Variants in XIRP2 observed in about 807,000 individuals in gnomAD.
The protein encoded by XIRP2 is xin actin binding repeat containing 2.
A neutral mutation model predicts 277.0 loss-of-function variants in XIRP2; 236 were observed. The observed-to-expected ratio is 0.85, with a 90% CI of 0.77 to 0.95. XIRP2 has a LOEUF of 0.95. XIRP2 is among the 40% of genes least tolerant of loss of function. The pLI is 0.00. For synonymous variants in XIRP2, 1,490 were observed against 1,416.5 expected, an observed-to-expected ratio of 1.05 and a Z score of -1.17; for missense variants, 4,640 against 4,157.5, an observed-to-expected ratio of 1.12 and a Z score of -3.19.
Position 167,244,756 on chromosome 2 carries a change from G to A in XIRP2, c.3364G>A (p.Gly1122Arg), listed in dbSNP as rs1695192471. 1 of 1,613,346 alleles carries A rather than the reference G, an allele frequency of 6.2e-7. No individual in the cohort carries two copies. Among genetic ancestry groups the A allele is most frequent in the Non-Finnish European group, 8.5e-7 (1 of 1,179,692 alleles). Residue 1122 changes from glycine (G) to arginine (R), a missense_variant, in exon 9 of 11, where the codon GGA (glycine) becomes AGA (arginine). Gly to Arg is a moderately radical substitution (Grantham distance 125, BLOSUM62 -2). Coordinates refer to ENST00000409195, the MANE Select transcript of XIRP2 (RefSeq NM_152381.6). ...LMTSSEEIHK[G>R]DVKTCTWLFE... ...GACCAGCAGTGAAGAAATTCATAAG[G>A]GAGATGTCAAAACTTGTACTTGGCT...
At chr2:166,969,526 G>A (rs1230159768) in intron 2 of XIRP2, among the ~76,000 whole-genome samples, 1 of 151,140 alleles carries the variant, frequency 6.6e-6, no homozygotes, top group Non-Finnish European at 1.5e-5. Context: ...GTATGAGTGA[G>A]AATAAACGAT....
At chr2:167,149,880 T>C (rs562479421) in intron 3 of XIRP2, among the ~76,000 whole-genome samples, 89 of 152,078 alleles carry the variant, frequency 5.9e-4, no homozygotes, top group African/African-American at 2.0e-3. Flanking sequence ...CCACAACATA[T>C]TAATATCCAG....
At chr2:167,036,987 C>T (rs1292820163) in intron 2 of XIRP2, among the ~76,000 whole-genome samples, 2 of 152,150 alleles carry the variant, frequency 1.3e-5, no homozygotes, top group African/African-American at 4.8e-5. Context: ...GATTCTGAGG[C>T]CTCCCTAGCC....
chr2:167,219,359 GAGTGT>G (rs1385473411), intron 5 of XIRP2, among the ~76,000 whole-genome samples: 1 of 152,166 alleles, frequency 6.6e-6, no homozygotes, highest in African/African-American at 2.4e-5. Context: ...AGGAGTCTTT[GAGTGT>G]AGATGTGTGT....
At chr2:167,097,035 G>A (rs1249392946) in intron 2 of XIRP2, among the ~76,000 whole-genome samples, 2 of 152,152 alleles carry the variant, frequency 1.3e-5, no homozygotes, top group Non-Finnish European at 2.9e-5. Flanking sequence ...ATTTTGGGTG[G>A]AGAGTTCTGT....
chr2:166,898,163 G>T (rs926269041), intron 1 of XIRP2, among the ~76,000 whole-genome samples: 5 of 152,084 alleles, frequency 3.3e-5, no homozygotes, highest in Non-Finnish European at 5.9e-5. Context: ...GAAATTTCAG[G>T]AAGACTCTTC....
At chr2:166,968,102 AC>A (rs752210466) in intron 2 of XIRP2, among the ~76,000 whole-genome samples, 1 of 151,970 alleles carries the variant, frequency 6.6e-6, no homozygotes, top group African/African-American at 2.4e-5. Context: ...TGCTAGCTAA[AC>A]ATATAGAAGA....
In XIRP2 at chr2:166,903,835, G is replaced by A. The variant is rs971779946; in HGVS notation, c.353G>A (p.Arg118Lys). 4 of 1,613,674 alleles carry A rather than the reference G, an allele frequency of 2.5e-6. No individual in the cohort carries two copies. The highest frequency in any genetic ancestry group is 2.2e-5 in the East Asian group (1 of 44,824). Residue 118 changes from arginine to lysine, a missense_variant, in exon 2 of 11, where the codon AGG becomes AAG. Arg to Lys is a conservative substitution (Grantham distance 26, BLOSUM62 2). Transcript: ENST00000409195. ...ERFSIALDEL[R>K]SVFEAPKSGN... ...TTTTCCATTGCCCTTGATGAGCTGA[G>A]GAGTGTGTTTGAGGCTCCTAAGAGT...
intron 3 of XIRP2, among the ~76,000 whole-genome samples, chr2:167,178,113 T>C (rs928394458): frequency 6.6e-6 from 1 of 152,006 alleles, no homozygotes; most frequent in African/African-American, 2.4e-5. Context: ...TATTGTTTCA[T>C]ATATATACAT....
At chr2:166,920,632 TG>T (rs1285052842) in intron 2 of XIRP2, among the ~76,000 whole-genome samples, 2 of 152,200 alleles carry the variant, frequency 1.3e-5, no homozygotes, top group African/African-American at 4.8e-5. Context: ...ATACTAAAGT[TG>T]TTTTACTTTT....
chr2:167,163,028 G>T (rs767501646), intron 3 of XIRP2, among the ~76,000 whole-genome samples: 1 of 152,080 alleles, frequency 6.6e-6, no homozygotes, highest in African/African-American at 2.4e-5. Context: ...TCTTATTGAT[G>T]ATTAGTATTC....
intron 3 of XIRP2, among the ~76,000 whole-genome samples, chr2:167,152,143 AT>A (rs1403026291): frequency 1.3e-5 from 2 of 152,090 alleles, no homozygotes; most frequent in African/African-American, 4.8e-5. Flanking sequence ...ACACCCCAGC[AT>A]ATTGAATATT....
intron 2 of XIRP2, among the ~76,000 whole-genome samples, chr2:167,055,431 T>G (rs892348386): frequency 6.6e-6 from 1 of 152,174 alleles, no homozygotes; most frequent in Admixed American, 6.5e-5. Flanking sequence ...TATAAGAAGA[T>G]GCTTTTCATC....
At chr2:166,980,934 G>C (rs1686850310) in intron 2 of XIRP2, among the ~76,000 whole-genome samples, 1 of 151,726 alleles carries the variant, frequency 6.6e-6, no homozygotes, top group Non-Finnish European at 1.5e-5. Context: ...ACTCTCTCTA[G>C]TGATCTCACA....
intron 4 of XIRP2, 41 bp downstream of exon 4, chr2:167,210,936 A>G (rs542604958): frequency 1.9e-6 from 3 of 1,608,632 alleles, no homozygotes; most frequent in Non-Finnish European, 2.5e-6. Context: ...CAATGTGCTT[A>G]CTGTCTGTCC....
chr2:166,961,434 A>T (rs1171425419), intron 2 of XIRP2, among the ~76,000 whole-genome samples: 1 of 151,778 alleles, frequency 6.6e-6, no homozygotes, highest in African/African-American at 2.4e-5. Flanking sequence ...AGTTACTTTT[A>T]AAAAAGTAAA....
intron 5 of XIRP2, among the ~76,000 whole-genome samples, chr2:167,231,431 G>A (rs1694749620): frequency 6.6e-6 from 1 of 151,950 alleles, no homozygotes; most frequent in Non-Finnish European, 1.5e-5. Flanking sequence ...GTAAGATTTG[G>A]ATAGTGCTTT....
chr2:167,079,673 C>A (rs1222623382), intron 2 of XIRP2, among the ~76,000 whole-genome samples: 1 of 151,804 alleles, frequency 6.6e-6, no homozygotes, highest in African/African-American at 2.4e-5. Flanking sequence ...TCTAGTGGAT[C>A]AGTTGTAATG....
rs369948290 is a variant in XIRP2, at chr2:167,247,710, G to A, written c.6318G>A (p.Lys2106=). 1 of 1,613,524 alleles carries A rather than the reference G, an allele frequency of 6.2e-7. No homozygotes were observed. The highest frequency in any genetic ancestry group is 1.7e-5 in the Admixed American group (1 of 59,938). Residue 2106 remains lysine (K), a synonymous_variant, in exon 9 of 11, where the codon AAG becomes AAA. Coordinates refer to ENST00000409195, the MANE Select transcript of XIRP2 (RefSeq NM_152381.6). ...KESDRAVREL[K]KDDVFNSIQS... ...CAGACAGGGCAGTGAGAGAGCTGAA[G>A]AAGGATGATGTCTTTAATTCCATCC...
Sources: allele counts gnomAD v4.1 joint callset (sites outside exome capture counted in the v4.1 genomes callset), GRCh38; gene constraint gnomAD v4.1.1; transcripts MANE v1.5; gene names NCBI Gene and HGNC (gene_info 2026-07-23, HGNC 2026-07-21).